Variants in STK38L observed in about 807,000 individuals in gnomAD.
STK38L encodes serine/threonine-protein kinase 38-like.
STK38L carries 28 observed loss-of-function variants against 59.7 expected under a neutral mutation model. The observed-to-expected ratio is 0.47, with a 90% CI of 0.35 to 0.64. The LOEUF (loss-of-function observed/expected upper bound fraction) is 0.64. Ranked by LOEUF, STK38L falls within the 30% of genes least tolerant of loss-of-function variation. The pLI, the probability that STK38L is intolerant of heterozygous loss-of-function variation, is 0.01. For missense variants in STK38L, 314 were observed against 555.8 expected (o/e 0.56, Z 4.37); for synonymous variants, 162 against 176.8 (o/e 0.92, Z 0.66).
chr12:27,314,401 C>CAA (rs35096255), intron 6 of STK38L, 103 bp from the exon 7 acceptor site: 34,165 of 668,708 alleles, frequency 0.051, no homozygotes, highest in Non-Finnish European at 0.056. Flanking sequence ...ACTCTGTCTC[C>CAA]AAAAAAAAAA....
chr12:27,288,593 CCATGCTCT>C (rs1943829801), intron 1 of STK38L, among the ~76,000 whole-genome samples: 1 of 152,046 alleles, frequency 6.6e-6, no homozygotes, highest in Non-Finnish European at 1.5e-5. Flanking sequence ...TTTCCCCCAA[CCATGCTCT>C]CATGCTCTCC....
At chr12:27,254,828 T>G (rs965736799) in intron 1 of STK38L, among the ~76,000 whole-genome samples, 3 of 152,108 alleles carry the variant, frequency 2.0e-5, no homozygotes, top group African/African-American at 7.2e-5. Context: ...GTACATATGG[T>G]TAAAAGAGAT....
chr12:27,272,831 G>T (rs1172482530), intron 1 of STK38L, among the ~76,000 whole-genome samples: 1 of 152,008 alleles, frequency 6.6e-6, no homozygotes, highest in Admixed American at 6.5e-5. Flanking sequence ...TTGATTGTAG[G>T]CATTGTTTTC....
chr12:27,267,606 G>C (rs1404609875), intron 1 of STK38L, among the ~76,000 whole-genome samples: 1 of 152,212 alleles, frequency 6.6e-6, no homozygotes, highest in South Asian at 2.1e-4. Flanking sequence ...TATGTACCTG[G>C]AGTGGAATTG....
At chr12:27,247,581 T>C (rs1054324956) in intron 1 of STK38L, among the ~76,000 whole-genome samples, 1 of 152,228 alleles carries the variant, frequency 6.6e-6, no homozygotes, top group East Asian at 1.9e-4. Context: ...TTTGACTTAT[T>C]ACCTATAAGT....
At chr12:27,279,688 A>AATT (rs34209844) in intron 1 of STK38L, among the ~76,000 whole-genome samples, 1 of 133,394 alleles carries the variant, frequency 7.5e-6, no homozygotes, top group South Asian at 2.4e-4. Context: ...AAAAAAAAAA[A>AATT]TTTTTTTTTT....
chr12:27,317,232 A>C (rs1267709939), intron 9 of STK38L, 104 bp from the exon 10 acceptor site: 1 of 743,612 alleles, frequency 1.3e-6, no homozygotes, highest in Non-Finnish European at 2.2e-6. Flanking sequence ...ATACAAGTGA[A>C]AATTTAACTC....
rs10842902 is a variant in STK38L, at chr12:27,323,612, A to G, written c.*1157A>G. ...TTTTCCTTTCCTGTGGGCATGCTGT[A>G]TTCAGACCTGACAGATCTTTGATAG... On this transcript the variant is annotated 3_prime_UTR_variant, in exon 14 of 14. Coordinates refer to ENST00000389032, the MANE Select transcript of STK38L (RefSeq NM_015000.4). The G allele has an allele frequency of 0.4, 61,598 of 152,324 alleles. 12,764 individuals carry two copies. Among genetic ancestry groups the G allele is most frequent in the Admixed American group, 0.48 (7,388 of 15,258 alleles). 9.4% of individuals were successfully genotyped at this position (152,324 alleles called of 1,614,324 possible).
At position 27,269,314 on chromosome 12, in the gene STK38L, G is replaced by C. The variant is rs367589977; in HGVS notation, c.-12+24982G>C. On this transcript the variant is annotated intron_variant, in intron 1 of 13. Transcript: ENST00000389032. Reference sequence around the variant, plus strand: ...ATTTTTGTATAAGGTGTAAGGAAGGGATCCAGTTTCAGCTTTCTATATATG... The same window carrying C: ...ATTTTTGTATAAGGTGTAAGGAAGGCATCCAGTTTCAGCTTTCTATATATG... Among the ~76,000 whole-genome samples the C allele has an allele frequency of 3.1e-4, 47 of 152,254 alleles. 1 individual carries two copies. In the East Asian group the frequency reaches 6.0e-3, roughly 19 times the overall value.
At chr12:27,296,375 A>C (rs1022671783) in intron 1 of STK38L, among the ~76,000 whole-genome samples, 4 of 152,236 alleles carry the variant, frequency 2.6e-5, no homozygotes, top group Non-Finnish European at 4.4e-5. Flanking sequence ...AGTTTTAGAC[A>C]TAGTGATTCT....
intron 3 of STK38L, among the ~76,000 whole-genome samples, chr12:27,307,945 T>C (rs1406244527): frequency 1.3e-5 from 2 of 152,154 alleles, no homozygotes; most frequent in East Asian, 3.8e-4. Context: ...GTCTCAGTAG[T>C]TGTGAAAGAG....
At chr12:27,288,334 A>G (rs570740409) in intron 1 of STK38L, among the ~76,000 whole-genome samples, 72 of 151,382 alleles carry the variant, frequency 4.8e-4, no homozygotes, top group Non-Finnish European at 9.4e-4. Context: ...CCCTATTTAA[A>G]AAATCTTTCG....
chr12:27,246,797 G>A (rs1942864268), intron 1 of STK38L, among the ~76,000 whole-genome samples: 1 of 152,122 alleles, frequency 6.6e-6, no homozygotes, highest in Non-Finnish European at 1.5e-5. Flanking sequence ...TTTGCTAATT[G>A]ACAGGGTATT....
intron 9 of STK38L, among the ~76,000 whole-genome samples, chr12:27,315,726 A>C (rs370965483): frequency 2.0e-5 from 3 of 152,224 alleles, no homozygotes; most frequent in East Asian, 3.8e-4. Flanking sequence ...TCAGCAAGTA[A>C]GGTGGTTGTG....
chr12:27,319,080 CAT>C (rs1322963828), intron 11 of STK38L, among the ~76,000 whole-genome samples: 2 of 152,148 alleles, frequency 1.3e-5, no homozygotes, highest in Non-Finnish European at 2.9e-5. Flanking sequence ...GCAGACCTAA[CAT>C]AGTAACTATG....
At chr12:27,286,664 G>T (rs1478611896) in intron 1 of STK38L, among the ~76,000 whole-genome samples, 2 of 151,974 alleles carry the variant, frequency 1.3e-5, no homozygotes, top group African/African-American at 4.8e-5. Flanking sequence ...GGCAATTTTG[G>T]TTATTTGCAT....
chr12:27,273,068 A>G (rs1342035239), intron 1 of STK38L, among the ~76,000 whole-genome samples: 3 of 151,494 alleles, frequency 2.0e-5, no homozygotes, highest in Non-Finnish European at 4.4e-5. Flanking sequence ...TTTTTTTTTA[A>G]GATCCTCATG....
At chr12:27,299,792 GAA>G (rs987497483) in intron 2 of STK38L, among the ~76,000 whole-genome samples, 1 of 146,250 alleles carries the variant, frequency 6.8e-6, no homozygotes, top group African/African-American at 2.5e-5. Context: ...ATTGGAATGA[GAA>G]AAAAAAAGTC....
intron 1 of STK38L, among the ~76,000 whole-genome samples, chr12:27,271,970 G>A (rs1209919867): frequency 6.6e-6 from 1 of 152,174 alleles, no homozygotes; most frequent in Non-Finnish European, 1.5e-5. Flanking sequence ...AAAGTGCTTG[G>A]ATTATAGGCA....
Sources: allele counts gnomAD v4.1 joint callset (sites outside exome capture counted in the v4.1 genomes callset), GRCh38; gene constraint gnomAD v4.1.1; transcripts MANE v1.5; gene names NCBI Gene and HGNC (gene_info 2026-07-23, HGNC 2026-07-21).